SPAG9: variants seen among roughly 807,000 people sequenced by gnomAD.
SPAG9 encodes sperm associated antigen 9.
A neutral mutation model predicts 166.5 loss-of-function variants in SPAG9; 35 were observed. The ratio of observed to expected loss-of-function variants is 0.21; its 90% CI spans 0.16 to 0.28. The LOEUF (loss-of-function observed/expected upper bound fraction) is 0.28, where lower values mean the gene tolerates loss of function less well. Among genes scored for constraint, SPAG9 ranks in the 10% least tolerant of loss-of-function variants. The pLI is 1.00. For synonymous variants in SPAG9, 534 were observed against 565.5 expected (o/e 0.94, Z 0.79); for missense variants, 1,235 against 1,603.3 (o/e 0.77, Z 3.92).
chr17:50,976,036 C>T lies in SPAG9; in HGVS notation c.3523+1072G>A, dbSNP rs566824373. 8.7e-5 allele frequency: 60 copies of T among 691,020 alleles called. No individual in the cohort carries two copies. In the South Asian group the frequency reaches 9.4e-4, roughly 11 times the overall value. The allele number at this position is 691,020 out of a possible 1,614,324, so 42.8% of individuals were successfully genotyped here. A position where few individuals can be genotyped will look rare whatever the true frequency, so the allele number is the denominator to read the frequency against. ...AAGCCCCTAACGAAAATAACAAGAT[C>T]CCACTTGGCATAATACCAAGTAATA... On this transcript the variant is annotated intron_variant, in intron 27 of 29. Coordinates refer to ENST00000262013, the MANE Select transcript of SPAG9 (RefSeq NM_001130528.3).
intron 3 of SPAG9, among the ~76,000 whole-genome samples, chr17:51,055,114 G>A (rs950968486): frequency 1.3e-5 from 2 of 152,092 alleles, no homozygotes; most frequent in African/African-American, 2.4e-5. Context: ...TTGGGAGGCC[G>A]AGGTGGGTGG....
chr17:50,990,507 C>T lies in SPAG9; in HGVS notation c.2560G>A (p.Gly854Arg). 1 of 1,614,190 alleles carries T rather than the reference C, an allele frequency of 6.2e-7. No individual in the cohort carries two copies. Among genetic ancestry groups the T allele is most frequent in the Non-Finnish European group, 8.5e-7 (1 of 1,180,034 alleles). ...VVGCSAEGVT[G>R]AATSPSTNGA... Reference sequence around the variant, plus strand: ...TTTGTACTAGGGGAAGTGGCAGCTCCCGTCACACCTTCTGCAGAACAACCA... The same window carrying T: ...TTTGTACTAGGGGAAGTGGCAGCTCTCGTCACACCTTCTGCAGAACAACCA... Residue 854 changes from glycine to arginine, a missense_variant, in exon 20 of 30, where the codon GGA becomes AGA. This residue lies in a region of SPAG9 where 493 missense variants were observed against 559.4 expected (regional missense o/e 0.88). Transcript: ENST00000262013.
intron 5 of SPAG9, 63 bp from the exon 6 acceptor site, chr17:51,031,785 T>C: frequency 8.2e-7 from 1 of 1,224,932 alleles, no homozygotes; most frequent in Non-Finnish European, 1.2e-6. Context: ...TTAACACAGC[T>C]GTAACTTTGG....
intron 2 of SPAG9, among the ~76,000 whole-genome samples, chr17:51,063,926 T>A: frequency 6.6e-6 from 1 of 151,896 alleles, no homozygotes; most frequent in Non-Finnish European, 1.5e-5. Flanking sequence ...AAGTAAAAAA[T>A]AATAATAAAA....
intron 19 of SPAG9, among the ~76,000 whole-genome samples, chr17:50,991,972 C>T (rs945159928): frequency 1.4e-5 from 2 of 141,906 alleles, no homozygotes; most frequent in African/African-American, 5.4e-5. Flanking sequence ...GGTCTTACTC[C>T]CATTGCCCAG....
intron 1 of SPAG9, among the ~76,000 whole-genome samples, chr17:51,106,212 A>G (rs182329259): frequency 9.2e-5 from 14 of 152,046 alleles, no homozygotes; most frequent in African/African-American, 3.4e-4. Flanking sequence ...TTGAGGCAAA[A>G]GAATCACTTG....
At chr17:51,031,481 G>A (rs1233241284) in intron 6 of SPAG9, 200 bp downstream of exon 6, 2 of 562,130 alleles carry the variant, frequency 3.6e-6, no homozygotes, top group Non-Finnish European at 6.3e-6. Flanking sequence ...GCTTACTTTG[G>A]GGAAGGAATA....
intron 1 of SPAG9, among the ~76,000 whole-genome samples, chr17:51,104,433 T>A (rs1275962982): frequency 6.6e-6 from 1 of 152,056 alleles, no homozygotes; most frequent in Non-Finnish European, 1.5e-5. Flanking sequence ...GGTCGCGAGA[T>A]CAAGACCAGT....
chr17:51,037,667 A>T lies in SPAG9; in HGVS notation c.741+3834T>A, dbSNP rs200423857. 8.9e-4 allele frequency among the ~76,000 whole-genome samples: 48 copies of T among 53,742 alleles called. 9 individuals carry two copies. Among genetic ancestry groups the T allele is most frequent in the Middle Eastern group, 7.9e-3 (1 of 126 alleles). 35.3% of individuals were successfully genotyped at this position (53,742 alleles called of 152,430 possible). ...TAAAATAAGTAAATATATGTGTTTT[A>T]TATATATATATATATATAGTGTGTG... On this transcript the variant is annotated intron_variant, in intron 5 of 29. Transcript: ENST00000262013.
intron 1 of SPAG9, among the ~76,000 whole-genome samples, chr17:51,081,133 T>C (rs993634793): frequency 2.6e-5 from 4 of 152,074 alleles, no homozygotes; most frequent in Non-Finnish European, 5.9e-5. Context: ...TGTGCCACAA[T>C]CATCTAATGC....
chr17:51,089,359 G>A (rs1157104554), intron 1 of SPAG9, among the ~76,000 whole-genome samples: 1 of 151,618 alleles, frequency 6.6e-6, no homozygotes, highest in Non-Finnish European at 1.5e-5. Context: ...AAGAGGTAGA[G>A]GTTGCACTGA....
At chr17:51,006,685 A>G (rs1163864572) in intron 10 of SPAG9, among the ~76,000 whole-genome samples, 1 of 152,216 alleles carries the variant, frequency 6.6e-6, no homozygotes, top group African/African-American at 2.4e-5. Context: ...GGACCTTATT[A>G]TAACTGCATT....
intron 2 of SPAG9, among the ~76,000 whole-genome samples, chr17:51,057,842 C>G (rs1038595652): frequency 6.6e-6 from 1 of 152,070 alleles, no homozygotes; most frequent in African/African-American, 2.4e-5. Flanking sequence ...CGATAATAAG[C>G]AAATTTATTA....
At chr17:51,025,617 C>T (rs922812859) in intron 6 of SPAG9, among the ~76,000 whole-genome samples, 2 of 151,764 alleles carry the variant, frequency 1.3e-5, no homozygotes, top group African/African-American at 2.4e-5. Context: ...TGGCTGGACA[C>T]GGTCGGCTCA....
chr17:51,057,383 A>G (rs1339224794), intron 2 of SPAG9, among the ~76,000 whole-genome samples: 1 of 152,230 alleles, frequency 6.6e-6, no homozygotes, highest in East Asian at 1.9e-4. Context: ...AAGCCTTAGC[A>G]TAGTTGAAAA....
intron 29 of SPAG9, among the ~76,000 whole-genome samples, chr17:50,967,185 A>G (rs939780973): frequency 1.1e-4 from 17 of 152,206 alleles, no homozygotes; most frequent in African/African-American, 3.9e-4. Flanking sequence ...GCTTGCATCA[A>G]TTGTATCTGT....
intron 9 of SPAG9, among the ~76,000 whole-genome samples, chr17:51,013,380 G>A (rs1327908348): frequency 2.0e-5 from 3 of 152,146 alleles, no homozygotes; most frequent in African/African-American, 7.2e-5. Flanking sequence ...TCTAGGGCAG[G>A]GGTTGGCAAA....
chr17:51,013,561 C>T lies in SPAG9; in HGVS notation c.1213+671G>A, dbSNP rs186420825. Among the ~76,000 whole-genome samples, 13 of 152,256 alleles carry T rather than the reference C, an allele frequency of 8.5e-5. 1 individual carries two copies. The highest frequency in any genetic ancestry group is 3.1e-4 in the African/African-American group (13 of 41,560). On this transcript the variant is annotated intron_variant, in intron 9 of 29. Transcript: ENST00000262013. The stretch of plus-strand genomic sequence containing the variant: ...CACACAAGGGGTCAGCTGGATTTGG[C>T]CCATAAGCGGCAGTTTGCCAGATTC...
chr17:51,079,658 A>G lies in SPAG9; in HGVS notation c.350T>C (p.Leu117Ser). 1 of 1,607,348 alleles carries G rather than the reference A, an allele frequency of 6.2e-7. No individual in the cohort carries two copies. The highest frequency in any genetic ancestry group is 8.5e-7 in the Non-Finnish European group (1 of 1,173,910). ...TTCTAAAGATTCCACTCGGGTCTGT[A>G]AGTCCTTTTTTTCCTGTTCTTGAGA... ...EDSQEQEKKD[L>S]QTRVESLESQ... The change falls in exon 2 of 30, where the codon TTA becomes TCA. Residue 117 changes from leucine (L) to serine (S), a missense_variant. This residue lies in a region of SPAG9 where 288 missense variants were observed against 323.7 expected (regional missense o/e 0.89). Coordinates refer to ENST00000262013, the MANE Select transcript of SPAG9 (RefSeq NM_001130528.3).
Sources: gnomAD v4.1 joint callset for allele counts (sites outside exome capture counted in the v4.1 genomes callset) on GRCh38, gnomAD v4.1.1 for gene constraint, gnomAD v4.1.1 regional missense constraint, MANE v1.5 for transcripts, NCBI Gene and HGNC (gene_info 2026-07-23, HGNC 2026-07-21) for gene names.